DCLK1: variants seen among roughly 807,000 people sequenced by gnomAD.
The protein encoded by DCLK1 is serine/threonine-protein kinase DCLK1.
Under a neutral mutation model 86.2 loss-of-function variants are expected in DCLK1, and 16 were observed. That is an observed-to-expected ratio of 0.19 (90% confidence interval 0.13 to 0.28). The LOEUF (loss-of-function observed/expected upper bound fraction) is 0.28, where lower values mean the gene tolerates loss of function less well. Ranked by LOEUF, DCLK1 falls within the 10% of genes least tolerant of loss-of-function variation. DCLK1 has a pLI of 1.00. For synonymous variants in DCLK1, 369 were observed against 370.5 expected (o/e 1.00, Z 0.05); for missense variants, 590 against 940.2 (o/e 0.63, Z 4.87).
At chr13:36,066,902 G>A (rs1162243864) in intron 3 of DCLK1, among the ~76,000 whole-genome samples, 2 of 150,494 alleles carry the variant, frequency 1.3e-5, no homozygotes, top group African/African-American at 4.9e-5. Flanking sequence ...AAAAAGTCAG[G>A]AAACAACAGG....
intron 16 of DCLK1, 46 bp downstream of exon 16, chr13:35,793,320 T>C (rs767118101): frequency 6.8e-7 from 1 of 1,469,228 alleles, no homozygotes; most frequent in Non-Finnish European, 9.4e-7. Context: ...GTCTCTTAGG[T>C]GGGTTGCTTT....
At chr13:35,939,327 C>CT (rs1278845695) in intron 4 of DCLK1, among the ~76,000 whole-genome samples, 3 of 152,182 alleles carry the variant, frequency 2.0e-5, no homozygotes, top group Non-Finnish European at 4.4e-5. Context: ...ATTTTATATC[C>CT]TTTTCTCATA....
At chr13:35,817,352 C>G (rs2087291280) in intron 11 of DCLK1, among the ~76,000 whole-genome samples, 3 of 152,144 alleles carry the variant, frequency 2.0e-5, no homozygotes, top group Admixed American at 2.0e-4. Flanking sequence ...CCCTCAACTT[C>G]CATGCAAATT....
chr13:35,872,082 T>C (rs893345021), intron 4 of DCLK1, among the ~76,000 whole-genome samples: 5 of 152,338 alleles, frequency 3.3e-5, no homozygotes, highest in East Asian at 1.9e-4. Flanking sequence ...TTTCTATTTC[T>C]CTCTTAGTGA....
intron 3 of DCLK1, among the ~76,000 whole-genome samples, chr13:36,029,392 G>A (rs1882176430): frequency 6.6e-6 from 1 of 152,172 alleles, no homozygotes; most frequent in African/African-American, 2.4e-5. Context: ...GAGAGACTGG[G>A]TCTGTCTTAT....
At chr13:35,875,726 A>G (rs1872551094) in intron 4 of DCLK1, among the ~76,000 whole-genome samples, 1 of 152,146 alleles carries the variant, frequency 6.6e-6, no homozygotes, top group Non-Finnish European at 1.5e-5. Context: ...CCCCACTCCC[A>G]TACTCCATTG....
At chr13:35,898,907 A>G (rs1265687134) in intron 4 of DCLK1, among the ~76,000 whole-genome samples, 2 of 151,972 alleles carry the variant, frequency 1.3e-5, no homozygotes, top group Non-Finnish European at 2.9e-5. Flanking sequence ...ATGCCCAGCT[A>G]ACTTTGTATT....
chr13:35,879,139 T>C (rs1275536555), intron 4 of DCLK1, among the ~76,000 whole-genome samples: 1 of 152,124 alleles, frequency 6.6e-6, no homozygotes, highest in Admixed American at 6.5e-5. Flanking sequence ...TGGGACAGAC[T>C]GAATTGGAGA....
chr13:36,053,712 G>A lies in DCLK1; in HGVS notation c.723+58157C>T, dbSNP rs114101615. Among the ~76,000 whole-genome samples, 345 of 152,076 alleles carry A rather than the reference G, an allele frequency of 2.3e-3. 1 individual carries two copies. Among genetic ancestry groups the A allele is most frequent in the African/African-American group, 7.8e-3 (322 of 41,490 alleles). On this transcript the variant is annotated intron_variant, in intron 3 of 16. Coordinates refer to ENST00000360631, the MANE Select transcript of DCLK1 (RefSeq NM_001330071.2). ...TAATGATAAAGGGGACAGTGCTGCCGGGTGGGGGGCAGGTTTCTATTTCAG... is the reference window on the plus strand; with the variant it reads ...TAATGATAAAGGGGACAGTGCTGCCAGGTGGGGGGCAGGTTTCTATTTCAG...
In DCLK1 at chr13:35,872,661, T is replaced by C. The variant is rs1872351991; in HGVS notation, c.824-1321A>G. On this transcript the variant is annotated intron_variant, in intron 4 of 16. Transcript: ENST00000360631. ...GGTGCTCAAAAATATTTACCGACCC[T>C]TTTCTTTTTAAAAAATTATAAATTC... Among the ~76,000 whole-genome samples, 4 of 152,140 alleles carry C rather than the reference T, an allele frequency of 2.6e-5. No individual in the cohort carries two copies. The South Asian group carries it at 8.3e-4, about 32-fold the overall frequency.
chr13:35,936,962 C>CGTTTTTTTTTTTTTTTTTTTTTT (rs1876786023), intron 4 of DCLK1, among the ~76,000 whole-genome samples: 1 of 65,712 alleles, frequency 1.5e-5, no homozygotes, highest in Non-Finnish European at 3.0e-5. Context: ...GAAAAGTTAG[C>CGTTTTTTTTTTTTTTTTTTTTTT]TTTTTTTTTT....
chr13:36,091,963 C>T (rs1484538314), intron 3 of DCLK1, among the ~76,000 whole-genome samples: 1 of 152,148 alleles, frequency 6.6e-6, no homozygotes, highest in Non-Finnish European at 1.5e-5. Flanking sequence ...GGGCAATGTT[C>T]TATGTTGTTT....
chr13:36,063,659 A>T (rs980060836), intron 3 of DCLK1, among the ~76,000 whole-genome samples: 5 of 152,204 alleles, frequency 3.3e-5, no homozygotes, highest in Admixed American at 3.3e-4. Context: ...AAATGGTCAG[A>T]ATAGGAGAAT....
At chr13:35,817,646 T>C (rs1343393522) in intron 11 of DCLK1, among the ~76,000 whole-genome samples, 2 of 152,170 alleles carry the variant, frequency 1.3e-5, no homozygotes, top group African/African-American at 2.4e-5. Context: ...CCCCAAGTGG[T>C]ACATCCCTTC....
intron 4 of DCLK1, among the ~76,000 whole-genome samples, chr13:35,902,333 C>G (rs1228338177): frequency 6.6e-6 from 1 of 152,180 alleles, no homozygotes; most frequent in African/African-American, 2.4e-5. Flanking sequence ...TTCTTTGCCA[C>G]CACAGACATT....
chr13:35,838,072 A>AAAAAAAAAAAAAAAG (rs1555343219), intron 7 of DCLK1, among the ~76,000 whole-genome samples: 1,538 of 149,474 alleles, frequency 0.01, 37 homozygotes, highest in African/African-American at 0.037. Flanking sequence ...TCTCAAAAAA[A>AAAAAAAAAAAAAAAG]AAAAGAAAAG....
chr13:35,942,478 T>C (rs1023855817), intron 4 of DCLK1, among the ~76,000 whole-genome samples: 6 of 152,188 alleles, frequency 3.9e-5, no homozygotes, highest in Non-Finnish European at 8.8e-5. Context: ...CCACTGCGCC[T>C]GGCCTCAAAA....
At chr13:35,923,068 T>TG (rs1304923329) in intron 4 of DCLK1, among the ~76,000 whole-genome samples, 1 of 152,098 alleles carries the variant, frequency 6.6e-6, no homozygotes, top group Non-Finnish European at 1.5e-5. Flanking sequence ...TTGGAGTAAC[T>TG]GCTATGAATC....
intron 6 of DCLK1, chr13:35,847,659 A>AAAGAAAGAAAG: frequency 1.9e-6 from 1 of 539,636 alleles, no homozygotes; most frequent in Non-Finnish European, 2.2e-6. Context: ...AAGAAAGAAA[A>AAAGAAAGAAAG]AGAGCCCAAT....
Sources: allele counts gnomAD v4.1 joint callset (sites outside exome capture counted in the v4.1 genomes callset), GRCh38; gene constraint gnomAD v4.1.1; transcripts MANE v1.5; gene names NCBI Gene and HGNC (gene_info 2026-07-23, HGNC 2026-07-21).